GABRR2: variants seen among roughly 807,000 people sequenced by gnomAD.
GABRR2 encodes gamma-aminobutyric acid type A receptor subunit rho2.
In GABRR2, 36 loss-of-function variants were observed where a neutral mutation model predicts 47.0. The observed-to-expected ratio is 0.77, with a 90% CI of 0.59 to 1.01. The LOEUF is 1.01. GABRR2 is among the 50% of genes least tolerant of loss of function. The pLI, the probability that GABRR2 is intolerant of heterozygous loss-of-function variation, is 0.00. For missense variants in GABRR2, 587 were observed against 594.6 expected (o/e 0.99, Z 0.13); for synonymous variants, 204 against 227.5 (o/e 0.90, Z 0.93).
intron 1 of GABRR2, chr6:89,301,805 A>T (rs959281103): frequency 1.1e-6 from 1 of 878,730 alleles, no homozygotes; most frequent in Non-Finnish European, 1.9e-6. Flanking sequence ...CTGCACATTC[A>T]GGCCGGCCAG....
At chr6:89,297,170 A>G (rs1422779138) in intron 2 of GABRR2, among the ~76,000 whole-genome samples, 1 of 152,240 alleles carries the variant, frequency 6.6e-6, no homozygotes, top group Non-Finnish European at 1.5e-5. Flanking sequence ...AATATCAAAA[A>G]GCATATTTTA....
At chr6:89,299,046 G>A (rs1192797411) in intron 2 of GABRR2, among the ~76,000 whole-genome samples, 1 of 152,130 alleles carries the variant, frequency 6.6e-6, no homozygotes, top group Non-Finnish European at 1.5e-5. Context: ...TCTATAAACT[G>A]CCCAATCTAT....
intron 8 of GABRR2, among the ~76,000 whole-genome samples, chr6:89,258,415 A>T (rs1384558214): frequency 1.3e-5 from 2 of 152,020 alleles, no homozygotes; most frequent in African/African-American, 4.8e-5. Flanking sequence ...GAATCAAAAG[A>T]TGATTAGGAG....
At chr6:89,295,842 A>C (rs4707536) in intron 2 of GABRR2, among the ~76,000 whole-genome samples, 97,364 of 150,770 alleles carry the variant, frequency 0.65, 31,800 homozygotes, top group East Asian at 0.97. Context: ...AGCTTTCTAC[A>C]TATGGCTAGC....
chr6:89,301,264 C>T (rs1237278553), intron 1 of GABRR2, among the ~76,000 whole-genome samples: 3 of 152,126 alleles, frequency 2.0e-5, no homozygotes, highest in South Asian at 2.1e-4. Context: ...CCATAGCCAA[C>T]GTCATACTAA....
chr6:89,302,554 C>T (rs1582463675), intron 1 of GABRR2: 2 of 946,600 alleles, frequency 2.1e-6, no homozygotes, highest in African/African-American at 1.6e-5. Context: ...GGGTGCCCTT[C>T]CCCTGCCTGC....
chr6:89,256,584 G>A lies in GABRR2; in HGVS notation c.*1086C>T, dbSNP rs1257041670. 6.6e-6 allele frequency among the ~76,000 whole-genome samples: 1 copy of A among 152,122 alleles called. No homozygotes were observed. The highest frequency in any genetic ancestry group is 6.5e-5 in the Admixed American group (1 of 15,278). ...TGAGATAGAAGGGTCTTTGTCTACT[G>A]GGGCCTTGGGCCACACCAGATAGTC... On this transcript the variant is annotated 3_prime_UTR_variant, in exon 9 of 9. Transcript: ENST00000402938.
intron 2 of GABRR2, among the ~76,000 whole-genome samples, chr6:89,283,946 C>A (rs992772498): frequency 6.6e-6 from 1 of 152,104 alleles, no homozygotes; most frequent in Admixed American, 6.5e-5. Flanking sequence ...TGAGTAGCAC[C>A]ATAATTACAG....
At chr6:89,289,136 A>T (rs6922915) in intron 2 of GABRR2, among the ~76,000 whole-genome samples, 13,396 of 152,276 alleles carry the variant, frequency 0.088, 1,794 homozygotes, top group African/African-American at 0.29. Context: ...GACCATGCAG[A>T]GGGGTGCTGT....
At chr6:89,262,948 A>C (rs948858503) in intron 8 of GABRR2, among the ~76,000 whole-genome samples, 14 of 152,252 alleles carry the variant, frequency 9.2e-5, no homozygotes, top group African/African-American at 3.4e-4. Flanking sequence ...ACTAAAATGA[A>C]TAAGAGTCTG....
chr6:89,262,641 C>T (rs1057290321), intron 8 of GABRR2, among the ~76,000 whole-genome samples: 1 of 152,156 alleles, frequency 6.6e-6, no homozygotes, highest in Non-Finnish European at 1.5e-5. Context: ...TTTGAAAAGG[C>T]AACATATTCT....
intron 1 of GABRR2, among the ~76,000 whole-genome samples, chr6:89,300,453 T>C (rs1257380757): frequency 6.6e-6 from 1 of 151,334 alleles, no homozygotes; most frequent in East Asian, 1.9e-4. Context: ...CAGGTTGCAG[T>C]GAGTGGAGAT....
chr6:89,275,149 C>A (rs1385159475), intron 2 of GABRR2, among the ~76,000 whole-genome samples: 1 of 152,092 alleles, frequency 6.6e-6, no homozygotes, highest in Non-Finnish European at 1.5e-5. Context: ...CAGGTTCACT[C>A]CAGGAATGCA....
chr6:89,300,361 T>C (rs1774644799), intron 1 of GABRR2, among the ~76,000 whole-genome samples: 1 of 151,878 alleles, frequency 6.6e-6, no homozygotes, highest in Admixed American at 6.6e-5. Flanking sequence ...AATACAAAAA[T>C]TAGCTGGGCA....
intron 2 of GABRR2, among the ~76,000 whole-genome samples, chr6:89,274,980 A>G (rs79695878): frequency 0.012 from 1,863 of 152,174 alleles, 36 homozygotes; most frequent in African/African-American, 0.042. Context: ...TTAGGTGACA[A>G]ATTCAAGGCA....
At chr6:89,269,267 G>A (rs1417264917) in intron 3 of GABRR2, 33 bp from the exon 4 acceptor site, 1 of 1,549,786 alleles carries the variant, frequency 6.5e-7, no homozygotes, top group Non-Finnish European at 8.9e-7. Flanking sequence ...AGACAAAAAT[G>A]GCTTAGAAGG....
chr6:89,281,872 C>T (rs923795484), intron 2 of GABRR2, among the ~76,000 whole-genome samples: 2 of 152,168 alleles, frequency 1.3e-5, no homozygotes, highest in East Asian at 1.9e-4. Flanking sequence ...TCCTCTCACG[C>T]TAGGGCCTCT....
At chr6:89,293,159 C>G (rs1043936929) in intron 2 of GABRR2, among the ~76,000 whole-genome samples, 2 of 151,970 alleles carry the variant, frequency 1.3e-5, no homozygotes, top group African/African-American at 4.8e-5. Context: ...CAACATGTAC[C>G]TTGAAGACAT....
intron 1 of GABRR2, among the ~76,000 whole-genome samples, chr6:89,305,444 C>T (rs556732663): frequency 6.6e-6 from 1 of 152,278 alleles, no homozygotes; most frequent in East Asian, 1.9e-4. Context: ...CTTGGGAGGC[C>T]AAGGCAGGCA....
Sources: allele counts gnomAD v4.1 joint callset (sites outside exome capture counted in the v4.1 genomes callset), GRCh38; gene constraint gnomAD v4.1.1; transcripts MANE v1.5; gene names NCBI Gene and HGNC (gene_info 2026-07-23, HGNC 2026-07-21).